Variants in ROBO2 observed in about 807,000 individuals in gnomAD.
ROBO2 encodes the protein roundabout guidance receptor 2.
Under a neutral mutation model 160.8 loss-of-function variants are expected in ROBO2, and 53 were observed. That is an observed-to-expected ratio of 0.33 (90% CI 0.26 to 0.41). ROBO2 has a LOEUF of 0.41. ROBO2 is among the 10% of genes least tolerant of loss of function. The pLI is 1.00. For missense variants in ROBO2, 1,577 were observed against 1,722.4 expected (o/e 0.92, Z 1.49); for synonymous variants, 664 against 611.7 (o/e 1.09, Z -1.26).
intron 2 of ROBO2, among the ~76,000 whole-genome samples, chr3:76,884,718 T>G (rs1559649804): frequency 1.3e-5 from 2 of 152,180 alleles, no homozygotes; most frequent in African/African-American, 4.8e-5. Context: ...ACTTTCCTAT[T>G]AGATTATATT....
chr3:76,454,647 T>C lies in ROBO2; in HGVS notation c.109+517045T>C, dbSNP rs574345647. ...ATTACTTTTCCATCAACTGTTATTC[T>C]GTGTGAGGAATTAATTAAATGTAAT... On this transcript the variant is annotated intron_variant, in intron 2 of 26. Coordinates refer to the ROBO2 transcript ENST00000487694. 4.6e-5 allele frequency among the ~76,000 whole-genome samples: 7 copies of C among 152,284 alleles called. No individual in the cohort carries two copies. The South Asian group carries it at 1.4e-3, about 32-fold the overall frequency.
intron 2 of ROBO2, among the ~76,000 whole-genome samples, chr3:76,273,923 A>C (rs1707761735): frequency 6.6e-6 from 1 of 152,162 alleles, no homozygotes; most frequent in Admixed American, 6.6e-5. Flanking sequence ...AGGTGCCTGC[A>C]TTTGTCAAGG....
intron 2 of ROBO2, among the ~76,000 whole-genome samples, chr3:76,341,093 T>A (rs1212140245): frequency 6.6e-6 from 1 of 152,104 alleles, no homozygotes; most frequent in Admixed American, 6.6e-5. Context: ...CATTTTCCCC[T>A]TCAATTAAAC....
chr3:77,570,707 G>C (rs750802017), intron 13 of ROBO2, among the ~76,000 whole-genome samples: 1 of 151,894 alleles, frequency 6.6e-6, no homozygotes, highest in Non-Finnish European at 1.5e-5. Context: ...CTCTTTTATT[G>C]ATGTAATATT....
chr3:77,297,230 C>T lies in ROBO2; in HGVS notation c.389-180184C>T, dbSNP rs143649828. On this transcript the variant is annotated intron_variant, in intron 2 of 25. Coordinates refer to ENST00000461745, the Ensembl canonical transcript of ROBO2. ...CAGTGACCTAGGGACATTTTTACAA[C>T]TACTGATGTTCAGGCTCAAGTTAGT... Among the ~76,000 whole-genome samples the T allele has an allele frequency of 1.4e-4, 21 of 152,184 alleles. No individual in the cohort carries two copies. In the East Asian group the frequency reaches 3.9e-3, roughly 28 times the overall value.
At position 76,272,795 on chromosome 3, in the gene ROBO2, T is replaced by TATATAAA. The variant is rs1553692974; in HGVS notation, c.109+335198_109+335199insAAATATA. On this transcript the variant is annotated intron_variant, in intron 2 of 26. Coordinates refer to the ROBO2 transcript ENST00000487694. ...TTATATATAAAATATATAAAATATATATATATAAAATATATAATATGTATT... is the reference window on the plus strand; with the variant it reads ...TTATATATAAAATATATAAAATATATATATAAAATATATAAAATATATAATATGTATT... Among the ~76,000 whole-genome samples the TATATAAA allele has an allele frequency of 6.1e-3, 244 of 40,146 alleles. 34 individuals are homozygous for TATATAAA. Among genetic ancestry groups the TATATAAA allele is most frequent in the Middle Eastern group, 0.036 (1 of 28 alleles). 26.3% of individuals were successfully genotyped at this position (40,146 alleles called of 152,430 possible).
exon 2 of ROBO2, chr3:77,098,043 C>G: frequency 6.3e-7 from 1 of 1,583,830 alleles, no homozygotes; most frequent in Non-Finnish European, 8.6e-7. Flanking sequence ...GGACTTTCCC[C>G]CGCGGATTGT....
chr3:76,311,448 T>C (rs1183813863), intron 2 of ROBO2: 2 of 152,162 alleles, frequency 1.3e-5, no homozygotes, highest in African/African-American at 4.8e-5. Context: ...GTTAAAGATC[T>C]AAATGGAGTT....
intron 2 of ROBO2, among the ~76,000 whole-genome samples, chr3:77,358,069 G>A (rs900975772): frequency 6.6e-6 from 1 of 152,172 alleles, no homozygotes; most frequent in African/African-American, 2.4e-5. Flanking sequence ...AAGGGCTGTT[G>A]TAACCAAATG....
chr3:77,417,224 G>T (rs2077313589), intron 2 of ROBO2, among the ~76,000 whole-genome samples: 1 of 118,532 alleles, frequency 8.4e-6, no homozygotes, highest in African/African-American at 3.4e-5. Context: ...GGGTAGCAGG[G>T]TAACCACTTT....
intron 2 of ROBO2, among the ~76,000 whole-genome samples, chr3:77,021,288 C>T (rs1294456157): frequency 6.6e-6 from 1 of 152,104 alleles, no homozygotes; most frequent in Non-Finnish European, 1.5e-5. Flanking sequence ...ATTAGAATGC[C>T]TTCAGAAGCA....
At chr3:75,929,224 A>C (rs889218210) in intron 1 of ROBO2, among the ~76,000 whole-genome samples, 2 of 150,788 alleles carry the variant, frequency 1.3e-5, no homozygotes, top group Non-Finnish European at 2.9e-5. Context: ...TTAGACTTAA[A>C]CCGTTCATTG....
At chr3:77,103,182 C>T (rs1227604817) in intron 2 of ROBO2, among the ~76,000 whole-genome samples, 3 of 152,036 alleles carry the variant, frequency 2.0e-5, no homozygotes, top group Non-Finnish European at 4.4e-5. Flanking sequence ...AGCTGTAGCC[C>T]CAGGTGGCAA....
chr3:77,053,469 T>C (rs946513435), intron 1 of ROBO2, among the ~76,000 whole-genome samples: 4 of 152,328 alleles, frequency 2.6e-5, no homozygotes, highest in Non-Finnish European at 5.9e-5. Context: ...TCCTGTCATC[T>C]GTTTTCACTC....
intron 2 of ROBO2, among the ~76,000 whole-genome samples, chr3:75,946,095 T>A (rs1280499626): frequency 6.6e-6 from 1 of 152,082 alleles, no homozygotes; most frequent in Non-Finnish European, 1.5e-5. Flanking sequence ...AGGAAAAAAA[T>A]TGATCGTATG....
intron 2 of ROBO2, among the ~76,000 whole-genome samples, chr3:77,162,269 G>A (rs903408826): frequency 2.6e-5 from 4 of 152,034 alleles, no homozygotes; most frequent in Non-Finnish European, 4.4e-5. Context: ...TATTTGTACT[G>A]TATTTTTTAT....
At chr3:76,724,504 T>C (rs779418992) in intron 2 of ROBO2, among the ~76,000 whole-genome samples, 1 of 152,222 alleles carries the variant, frequency 6.6e-6, no homozygotes, top group Non-Finnish European at 1.5e-5. Flanking sequence ...GTCAGCTCTC[T>C]GCTCTATTCT....
rs570573898 is a variant in ROBO2, at chr3:77,346,464, G to A, written c.389-130950G>A. 1.4e-4 allele frequency among the ~76,000 whole-genome samples: 20 copies of A among 148,044 alleles called. 1 individual carries two copies. Among genetic ancestry groups the A allele is most frequent in the African/African-American group, 4.6e-4 (19 of 41,310 alleles). ...AGCAGTATTTTGAGAAATAGGGTTTGTTTTAGTAAACTATCACTGTGTAAC... is the reference window on the plus strand; with the variant it reads ...AGCAGTATTTTGAGAAATAGGGTTTATTTTAGTAAACTATCACTGTGTAAC... On this transcript the variant is annotated intron_variant, in intron 2 of 25. Coordinates refer to ENST00000461745, the Ensembl canonical transcript of ROBO2.
Position 76,457,498 on chromosome 3 carries a change from A to G in ROBO2, c.109+519896A>G, listed in dbSNP as rs544546756. On this transcript the variant is annotated intron_variant, in intron 2 of 26. Transcript: ENST00000487694. Reference sequence around the variant, plus strand: ...TGCAGCCTCCCTCCCTGCTGCTTTCATGGACTGACATCGAGTGTCTGCAGC... The same window carrying G: ...TGCAGCCTCCCTCCCTGCTGCTTTCGTGGACTGACATCGAGTGTCTGCAGC... 3.9e-5 allele frequency among the ~76,000 whole-genome samples: 6 copies of G among 152,196 alleles called. No homozygotes were observed. The East Asian group carries it at 7.8e-4, about 20-fold the overall frequency.
Sources: gnomAD v4.1 joint callset for allele counts (sites outside exome capture counted in the v4.1 genomes callset) on GRCh38, gnomAD v4.1.1 for gene constraint, MANE v1.5 for transcripts, NCBI Gene and HGNC (gene_info 2026-07-23, HGNC 2026-07-21) for gene names.